LHFPL5: variants seen among roughly 807,000 people sequenced by gnomAD.
LHFPL5 encodes LHFPL tetraspan subfamily member 5.
A neutral mutation model predicts 18.7 loss-of-function variants in LHFPL5; 12 were observed. The observed-to-expected ratio is 0.64, with a 90% CI of 0.41 to 1.04. The LOEUF (loss-of-function observed/expected upper bound fraction) is 1.04. Among genes scored for constraint, LHFPL5 ranks in the 50% least tolerant of loss-of-function variants. The pLI, the probability that LHFPL5 is intolerant of heterozygous loss-of-function variation, is 0.00. For synonymous variants in LHFPL5, 111 were observed against 120.2 expected (o/e 0.92, Z 0.50); for missense variants, 259 against 292.1 (o/e 0.89, Z 0.83).
At chr6:35,808,089 T>C (rs568574205) in intron 1 of LHFPL5, among the ~76,000 whole-genome samples, 89 of 152,064 alleles carry the variant, frequency 5.9e-4, no homozygotes, top group African/African-American at 2.0e-3. Context: ...GTAGTCTCTC[T>C]GTATGATAAG....
rs112231394 is a variant in LHFPL5 at position 35,810,443 on chromosome 6, A to C, written c.413-4103A>C. Among the ~76,000 whole-genome samples, 1,031 of 152,254 alleles carry C rather than the reference A, an allele frequency of 6.8e-3. 6 individuals are homozygous for C. The highest frequency in any genetic ancestry group is 0.019 in the African/African-American group (798 of 41,546). ...GAAAAACACAAAAAACAGGCTGGGCATGGTGGCTCAAGCCTGTAATCCCAG... is the reference window on the plus strand; with the variant it reads ...GAAAAACACAAAAAACAGGCTGGGCCTGGTGGCTCAAGCCTGTAATCCCAG... On this transcript the variant is annotated intron_variant, in intron 1 of 3. Coordinates refer to ENST00000360215, the MANE Select transcript of LHFPL5 (RefSeq NM_182548.4).
intron 2 of LHFPL5, among the ~76,000 whole-genome samples, chr6:35,817,195 C>T (rs937226977): frequency 6.6e-6 from 1 of 151,940 alleles, no homozygotes; most frequent in African/African-American, 2.4e-5. Context: ...GTGGTGGGCA[C>T]CTGTAGTTCC....
intron 3 of LHFPL5, among the ~76,000 whole-genome samples, chr6:35,821,857 AT>A (rs763639486): frequency 0.038 from 1,479 of 38,614 alleles, 1 homozygote; most frequent in Non-Finnish European, 0.049. Flanking sequence ...GTGTACCACA[AT>A]TTTTTTTTTT....
intron 2 of LHFPL5, among the ~76,000 whole-genome samples, chr6:35,818,280 AG>A (rs892147383): frequency 2.3e-4 from 35 of 149,920 alleles, no homozygotes; most frequent in Admixed American, 7.3e-4. Flanking sequence ...TTTTAGAATT[AG>A]TGATGATAGT....
intron 2 of LHFPL5, among the ~76,000 whole-genome samples, chr6:35,815,218 G>T (rs1253349445): frequency 2.0e-5 from 3 of 152,134 alleles, no homozygotes; most frequent in Admixed American, 1.3e-4. Context: ...GACAGCTCCT[G>T]CAGTGCAGCT....
At chr6:35,816,147 C>A (rs1014022422) in intron 2 of LHFPL5, among the ~76,000 whole-genome samples, 2 of 145,628 alleles carry the variant, frequency 1.4e-5, no homozygotes, top group African/African-American at 5.2e-5. Context: ...GTCCGCAGTC[C>A]GGCCTGGGTG....
intron 1 of LHFPL5, among the ~76,000 whole-genome samples, chr6:35,813,324 T>A (rs1768701446): frequency 6.9e-6 from 1 of 144,946 alleles, no homozygotes; most frequent in Non-Finnish European, 1.5e-5. Flanking sequence ...CGGCTCACTG[T>A]AGCTCCGCCT....
At chr6:35,815,170 G>A (rs1332930823) in intron 2 of LHFPL5, among the ~76,000 whole-genome samples, 1 of 152,132 alleles carries the variant, frequency 6.6e-6, no homozygotes, top group African/African-American at 2.4e-5. Context: ...TGGGGAGGGA[G>A]TGCGACCTTG....
At chr6:35,813,083 C>T (rs1012188650) in intron 1 of LHFPL5, among the ~76,000 whole-genome samples, 1 of 151,956 alleles carries the variant, frequency 6.6e-6, no homozygotes, top group Admixed American at 6.6e-5. Context: ...GCTTAAGTTG[C>T]TTGCTCTGAG....
intron 1 of LHFPL5, among the ~76,000 whole-genome samples, chr6:35,810,646 C>T (rs571253816): frequency 1.3e-5 from 2 of 151,626 alleles, no homozygotes; most frequent in South Asian, 4.2e-4. Context: ...ATAATCCCCC[C>T]AAAAAATACA....
At chr6:35,818,254 T>G (rs775277529) in intron 2 of LHFPL5, among the ~76,000 whole-genome samples, 1 of 151,442 alleles carries the variant, frequency 6.6e-6, no homozygotes, top group African/African-American at 2.4e-5. Context: ...GGTTTCTTTT[T>G]GGGGTGATGA....
intron 1 of LHFPL5, chr6:35,811,298 G>A (rs1351253883): frequency 6.6e-6 from 1 of 152,184 alleles, no homozygotes; most frequent in Non-Finnish European, 1.5e-5. Context: ...AATAATAATA[G>A]CAGTGACTAA....
intron 2 of LHFPL5, among the ~76,000 whole-genome samples, chr6:35,816,013 T>C (rs1024004014): frequency 6.6e-6 from 1 of 151,670 alleles, no homozygotes; most frequent in Non-Finnish European, 1.5e-5. Context: ...CTACTAAAAA[T>C]ACAAAAAATT....
chr6:35,813,769 C>CT (rs35536889), intron 1 of LHFPL5, among the ~76,000 whole-genome samples: 43,040 of 147,642 alleles, frequency 0.29, 6,633 homozygotes, highest in South Asian at 0.42. Flanking sequence ...TGGCCATGGC[C>CT]TGACACTTTC....
At chr6:35,809,279 A>G (rs992663773) in intron 1 of LHFPL5, among the ~76,000 whole-genome samples, 1 of 152,148 alleles carries the variant, frequency 6.6e-6, no homozygotes, top group African/African-American at 2.4e-5. Flanking sequence ...GGCTGCCATA[A>G]CAAATTACCA....
At chr6:35,811,833 A>G (rs974327246) in intron 1 of LHFPL5, among the ~76,000 whole-genome samples, 2 of 152,226 alleles carry the variant, frequency 1.3e-5, no homozygotes, top group Non-Finnish European at 2.9e-5. Flanking sequence ...CACCGTGGGT[A>G]TCTTCCTGAA....
At chr6:35,809,330 A>C (rs573517665) in intron 1 of LHFPL5, among the ~76,000 whole-genome samples, 1 of 152,232 alleles carries the variant, frequency 6.6e-6, no homozygotes, top group East Asian at 1.9e-4. Context: ...CATTTCTCAC[A>C]GTTCTGGAGC....
chr6:35,810,695 C>T (rs181270423), intron 1 of LHFPL5, among the ~76,000 whole-genome samples: 131 of 151,976 alleles, frequency 8.6e-4, no homozygotes, highest in Middle Eastern at 6.8e-3. Context: ...GGCTTGGTGG[C>T]GGGCGCCTGT....
intron 1 of LHFPL5, among the ~76,000 whole-genome samples, chr6:35,809,868 T>C (rs1024604531): frequency 2.6e-5 from 4 of 152,240 alleles, no homozygotes; most frequent in African/African-American, 9.6e-5. Context: ...GATATTTCGA[T>C]ACATGTATAC....
Sources: allele counts gnomAD v4.1 joint callset (sites outside exome capture counted in the v4.1 genomes callset), GRCh38; gene constraint gnomAD v4.1.1; transcripts MANE v1.5; gene names NCBI Gene and HGNC (gene_info 2026-07-23, HGNC 2026-07-21).